HSPA6: variants seen among roughly 807,000 people sequenced by gnomAD.
The protein encoded by HSPA6 is heat shock 70 kDa protein 6.
For synonymous variants in HSPA6, 312 were observed against 368.2 expected (o/e 0.85, Z 1.75); for missense variants, 718 against 860.9 (o/e 0.83, Z 2.08).
At position 161,525,746 on chromosome 1, in the gene HSPA6, A is replaced by T; in HGVS notation, c.1088A>T (p.Lys363Met). Reference sequence around the variant, plus strand: ...TTCTTCAACGGCAAGGAGCTGAACAAGAGCATCAACCCTGATGAGGCTGTG... The same window carrying T: ...TTCTTCAACGGCAAGGAGCTGAACATGAGCATCAACCCTGATGAGGCTGTG... The part of the protein sequence containing the change: ...QDFFNGKELN[K>M]SINPDEAVAY... Residue 363 changes from lysine (K) to methionine (M), a missense_variant, in exon 1 of 1, where the codon AAG becomes ATG. Lys to Met is a moderately conservative substitution (Grantham distance 95, BLOSUM62 -1). Transcript: ENST00000309758. The T allele has an allele frequency of 6.2e-7, 1 of 1,608,862 alleles. No homozygotes were observed. The highest frequency in any genetic ancestry group is 8.5e-7 in the Non-Finnish European group (1 of 1,177,354).
At position 161,526,018 on chromosome 1, in the gene HSPA6, G is replaced by T. The variant is rs1571998900; in HGVS notation, c.1360G>T (p.Asp454Tyr). Residue 454 changes from aspartate to tyrosine, a missense_variant, in exon 1 of 1, where the codon GAC becomes TAC. Physicochemically the swap from Asp to Tyr is radical, Grantham distance 160. Coordinates refer to ENST00000309758, the MANE Select transcript of HSPA6 (RefSeq NM_002155.5). ...TGAGGGTGAGAGGGCCATGACCAAG[G>T]ACAACAACCTGCTGGGGCGTTTTGA... ...VYEGERAMTK[D>Y]NNLLGRFELS... The T allele has an allele frequency of 1.2e-6, 2 of 1,613,788 alleles. No individual in the cohort carries two copies. Among genetic ancestry groups the T allele is most frequent in the Non-Finnish European group, 8.5e-7 (1 of 1,179,872 alleles).
Position 161,526,036 on chromosome 1 carries a change from C to A in HSPA6, c.1378C>A (p.Arg460Ser). The A allele has an allele frequency of 6.2e-7, 1 of 1,613,622 alleles. No homozygotes were observed. Among genetic ancestry groups the A allele is most frequent in the Non-Finnish European group, 8.5e-7 (1 of 1,179,766 alleles). Residue 460 changes from arginine (R) to serine (S), a missense_variant, in exon 1 of 1, where the codon CGT becomes AGT. By Grantham distance (110) the Arg-to-Ser change is moderately radical (BLOSUM62 -1). Coordinates refer to ENST00000309758, the MANE Select transcript of HSPA6 (RefSeq NM_002155.5). ...GACCAAGGACAACAACCTGCTGGGG[C>A]GTTTTGAACTCAGTGGCATCCCTCC... ...AMTKDNNLLG[R>S]FELSGIPPAP...
chr1:161,525,065 AC>A lies in HSPA6; in HGVS notation c.409del (p.Leu137TrpfsTer5). On this transcript the variant is annotated frameshift_variant, in exon 1 of 1. Transcript: ENST00000309758. LOFTEE classifies it low-confidence loss of function (END_TRUNC). ...LSKMKETAEA[Y>X]LGQPVKHAVI... The stretch of plus-strand genomic sequence containing the variant: ...AAGATGAAGGAGACGGCCGAGGCGT[AC>A]CTGGGCCAGCCCGTGAAGCACGCAG... 8 of 1,613,180 alleles carry A rather than the reference AC, an allele frequency of 5.0e-6. No individual in the cohort carries two copies. The highest frequency in any genetic ancestry group is 5.9e-6 in the Non-Finnish European group (7 of 1,179,876).
rs1018902637 is a variant in HSPA6 at position 161,526,818 on chromosome 1, G to C, written c.*228G>C. On this transcript the variant is annotated 3_prime_UTR_variant, in exon 1 of 1. Coordinates refer to ENST00000309758, the MANE Select transcript of HSPA6 (RefSeq NM_002155.5). ...AAAACTTGTGTGGCACTTTAACATT[G>C]CTTTCACCTATATTTTGTGTACTTT... 4.4e-6 allele frequency: 2 copies of C among 449,936 alleles called. No homozygotes were observed. Among genetic ancestry groups the C allele is most frequent in the African/African-American group, 2.0e-5 (1 of 49,874 alleles). The allele number at this position is 449,936 out of a possible 1,614,324, so 27.9% of individuals were successfully genotyped here. A position where few individuals can be genotyped will look rare whatever the true frequency, so the allele number is the denominator to read the frequency against.
chr1:161,525,510 G>C lies in HSPA6; in HGVS notation c.852G>C (p.Leu284=). 6.2e-7 allele frequency: 1 copy of C among 1,613,588 alleles called. No individual in the cohort carries two copies. Among genetic ancestry groups the C allele is most frequent in the South Asian group, 1.1e-5 (1 of 91,030 alleles). Residue 284 remains leucine (L), a synonymous_variant, in exon 1 of 1, where the codon CTG becomes CTC. Transcript: ENST00000309758. The part of the protein sequence containing the change: ...RTLSSSTQAT[L]EIDSLFEGVD... ...TGTCCTCCAGCACCCAGGCCACCCT[G>C]GAGATAGACTCCCTGTTCGAGGGCG... is the stretch of plus-strand genomic sequence containing the variant.
Position 161,526,236 on chromosome 1 carries a change from G to C in HSPA6, c.1578G>C (p.Gln526His), listed in dbSNP as rs1676696181. 1 of 1,613,818 alleles carries C rather than the reference G, an allele frequency of 6.2e-7. No individual in the cohort carries two copies. Residue 526 changes from glutamine (Q) to histidine (H), a missense_variant, in exon 1 of 1, where the codon CAG becomes CAC. Gln to His is a conservative substitution (Grantham distance 24). Coordinates refer to ENST00000309758, the MANE Select transcript of HSPA6 (RefSeq NM_002155.5). ...AGAGGATGGTTCATGAAGCCGAGCA[G>C]TACAAGGCTGAGGATGAGGCCCAGA... ...EVERMVHEAE[Q>H]YKAEDEAQRD...
At position 161,526,782 on chromosome 1, in the gene HSPA6, A is replaced by G; in HGVS notation, c.*192A>G. The stretch of plus-strand genomic sequence containing the variant: ...CCTCTTCTGCTTCAAATAAAAAGTC[A>G]TTAATTTATTAAAACTTGTGTGGCA... On this transcript the variant is annotated 3_prime_UTR_variant, in exon 1 of 1. Coordinates refer to ENST00000309758, the MANE Select transcript of HSPA6 (RefSeq NM_002155.5). The G allele has an allele frequency of 2.1e-6, 1 of 485,464 alleles. No individual in the cohort carries two copies. The highest frequency in any genetic ancestry group is 3.7e-6 in the Non-Finnish European group (1 of 270,478). 30.1% of individuals were successfully genotyped at this position (485,464 alleles called of 1,614,324 possible). A position where few individuals can be genotyped will look rare whatever the true frequency, so the allele number is the denominator to read the frequency against.
rs773122424 is a variant in HSPA6, at chr1:161,525,114, C to G, written c.456C>G (p.Phe152Leu). Reference sequence around the variant, plus strand: ...CAGTGATCACCGTGCCCGCCTATTTCAATGACTCGCAGCGCCAGGCCACCA... The same window carrying G: ...CAGTGATCACCGTGCCCGCCTATTTGAATGACTCGCAGCGCCAGGCCACCA... ...KHAVITVPAY[F>L]NDSQRQATKD... is the part of the protein sequence containing the mutation. The change falls in exon 1 of 1, where the codon TTC becomes TTG. Residue 152 changes from phenylalanine to leucine, a missense_variant. Transcript: ENST00000309758. 2 of 1,613,568 alleles carry G rather than the reference C, an allele frequency of 1.2e-6. No homozygotes were observed. The highest frequency in any genetic ancestry group is 1.7e-6 in the Non-Finnish European group (2 of 1,179,938).
Position 161,525,939 on chromosome 1 carries a change from C to T in HSPA6, c.1281C>T (p.Thr427=). ...ACGCCACTATCCCCACCAAGCAGAC[C>T]CAGACTTTCACCACCTACTCGGACA... ...QRNATIPTKQ[T]QTFTTYSDNQ... is the part of the protein sequence containing the mutation. Residue 427 remains threonine, a synonymous_variant, in exon 1 of 1, where the codon ACC becomes ACT. Transcript: ENST00000309758. The T allele has an allele frequency of 6.2e-7, 1 of 1,612,548 alleles. No individual in the cohort carries two copies. Among genetic ancestry groups the T allele is most frequent in the African/African-American group, 1.3e-5 (1 of 74,864 alleles).
At position 161,525,785 on chromosome 1, in the gene HSPA6, C is replaced by T. The variant is rs764355185; in HGVS notation, c.1127C>T (p.Ala376Val). 3.7e-5 allele frequency: 60 copies of T among 1,604,074 alleles called. No homozygotes were observed. The highest frequency in any genetic ancestry group is 4.9e-5 in the Non-Finnish European group (57 of 1,174,438). ...GATGAGGCTGTGGCCTATGGGGCTG[C>T]TGTGCAGGCGGCCGTGTTGATGGGG... The part of the protein sequence containing the change: ...NPDEAVAYGA[A>V]VQAAVLMGDK... The change falls in exon 1 of 1, where the codon GCT becomes GTT. Residue 376 changes from alanine to valine, a missense_variant. Ala to Val is a moderately conservative substitution (Grantham distance 64). Transcript: ENST00000309758.
Position 161,526,288 on chromosome 1 carries a change from C to T in HSPA6, c.1630C>T (p.Leu544=). The change falls in exon 1 of 1, where the codon CTG becomes TTG. Residue 544 remains leucine (L), a synonymous_variant. Coordinates refer to ENST00000309758, the MANE Select transcript of HSPA6 (RefSeq NM_002155.5). The part of the protein sequence containing the change: ...QRDRVAAKNS[L]EAHVFHVKGS... ...GGACAGAGTGGCTGCCAAAAACTCGCTGGAGGCCCATGTCTTCCATGTGAA... is the reference window on the plus strand; with the variant it reads ...GGACAGAGTGGCTGCCAAAAACTCGTTGGAGGCCCATGTCTTCCATGTGAA... 1 of 1,611,902 alleles carries T rather than the reference C, an allele frequency of 6.2e-7. No homozygotes were observed. The highest frequency in any genetic ancestry group is 1.3e-5 in the African/African-American group (1 of 74,920).
Position 161,525,432 on chromosome 1 carries a change from C to A in HSPA6, c.774C>A (p.Asn258Lys), listed in dbSNP as rs1157873635. Residue 258 changes from asparagine (N) to lysine (K), a missense_variant, in exon 1 of 1, where the codon AAC becomes AAA. Transcript: ENST00000309758. Reference protein sequence around the residue: ...RRKHGKDLSGNKRALRRLRTA... With the variant: ...RRKHGKDLSGKKRALRRLRTA... ...AGCATGGGAAGGACCTGAGCGGGAA[C>A]AAGCGTGCCCTGCGCAGGCTGCGCA... 1.9e-6 allele frequency: 3 copies of A among 1,611,170 alleles called. No homozygotes were observed. Among genetic ancestry groups the A allele is most frequent in the Non-Finnish European group, 2.5e-6 (3 of 1,178,638 alleles).
At position 161,526,344 on chromosome 1, in the gene HSPA6, C is replaced by A. The variant is rs753856; in HGVS notation, c.1686C>A (p.Asp562Glu). 7 of 1,602,552 alleles carry A rather than the reference C, an allele frequency of 4.4e-6. No homozygotes were observed. The African/African-American group carries it at 9.4e-5, about 21-fold the overall frequency. ...KGSLQEESLR[D>E]KIPEEDRRKM... ...CTTTGCAAGAGGAAAGCCTTAGGGA[C>A]AAGATTCCCGAAGAGGACAGGCGCA... Residue 562 changes from aspartate (D) to glutamate (E), a missense_variant, in exon 1 of 1, where the codon GAC becomes GAA. Transcript: ENST00000309758.
Position 161,524,550 on chromosome 1 carries a change from C to G in HSPA6, c.-109C>G, listed in dbSNP as rs1416843816. ...GAAGCGGAGCTGAGCAGATCCGAGCCGGGCTGGCTGCAGAGAAACCGCAGG... is the reference window on the plus strand; with the variant it reads ...GAAGCGGAGCTGAGCAGATCCGAGCGGGGCTGGCTGCAGAGAAACCGCAGG... On this transcript the variant is annotated 5_prime_UTR_variant, in exon 1 of 1. Transcript: ENST00000309758. 2.6e-5 allele frequency: 36 copies of G among 1,406,676 alleles called. No homozygotes were observed. Among genetic ancestry groups the G allele is most frequent in the South Asian group, 7.6e-5 (6 of 79,394 alleles). 87.1% of individuals were successfully genotyped at this position (1,406,676 alleles called of 1,614,324 possible). A position where few individuals can be genotyped will look rare whatever the true frequency, so the allele number is the denominator to read the frequency against.
Position 161,525,400 on chromosome 1 carries a change from C to T in HSPA6, c.742C>T (p.Arg248Trp). 1 of 1,610,412 alleles carries T rather than the reference C, an allele frequency of 6.2e-7. No homozygotes were observed. The highest frequency in any genetic ancestry group is 8.5e-7 in the Non-Finnish European group (1 of 1,178,202). Residue 248 changes from arginine (R) to tryptophan (W), a missense_variant, in exon 1 of 1, where the codon CGG becomes TGG. Arg to Trp is a moderately radical substitution (Grantham distance 101, BLOSUM62 -3). Coordinates refer to ENST00000309758, the MANE Select transcript of HSPA6 (RefSeq NM_002155.5). ...CGTGAACCACTTCATGGAAGAATTC[C>T]GGCGGAAGCATGGGAAGGACCTGAG... ...RLVNHFMEEF[R>W]RKHGKDLSGN...
chr1:161,524,931 C>A lies in HSPA6; in HGVS notation c.273C>A (p.His91Gln). 2.5e-6 allele frequency: 4 copies of A among 1,613,668 alleles called. No individual in the cohort carries two copies. Among genetic ancestry groups the A allele is most frequent in the Non-Finnish European group, 3.4e-6 (4 of 1,179,938 alleles). The change falls in exon 1 of 1, where the codon CAC becomes CAA. Residue 91 changes from histidine (H) to glutamine (Q), a missense_variant. By Grantham distance (24) the His-to-Gln change is conservative. Coordinates refer to ENST00000309758, the MANE Select transcript of HSPA6 (RefSeq NM_002155.5). The part of the protein sequence containing the change: ...ADTTVQSDMK[H>Q]WPFRVVSEGG... ...CCACGGTGCAGTCGGACATGAAGCA[C>A]TGGCCCTTCCGGGTGGTGAGCGAGG...
chr1:161,524,864 T>A lies in HSPA6; in HGVS notation c.206T>A (p.Val69Glu), dbSNP rs1676624337. The A allele has an allele frequency of 1.9e-6, 3 of 1,612,032 alleles. No homozygotes were observed. Among genetic ancestry groups the A allele is most frequent in the Non-Finnish European group, 2.5e-6 (3 of 1,179,446 alleles). ...SQAALNPHNTVFDAKRLIGRK... is the reference protein window; with the variant it reads ...SQAALNPHNTEFDAKRLIGRK... ...GCGGCCCTGAACCCCCACAACACCG[T>A]GTTCGATGCCAAGCGGCTGATCGGG... is the stretch of plus-strand genomic sequence containing the variant. The change falls in exon 1 of 1, where the codon GTG (valine) becomes GAG (glutamate). Residue 69 changes from valine to glutamate, a missense_variant. Physicochemically the swap from Val to Glu is moderately radical, Grantham distance 121. Transcript: ENST00000309758.
chr1:161,525,328 A>G lies in HSPA6; in HGVS notation c.670A>G (p.Thr224Ala). ...IDAGVFEVKA[T>A]AGDTHLGGED... ...CGCTGGTGTCTTTGAGGTGAAAGCCACTGCTGGAGATACCCACCTGGGAGG... is the reference window on the plus strand; with the variant it reads ...CGCTGGTGTCTTTGAGGTGAAAGCCGCTGCTGGAGATACCCACCTGGGAGG... The change falls in exon 1 of 1, where the codon ACT becomes GCT. Residue 224 changes from threonine to alanine, a missense_variant. Thr to Ala is a moderately conservative substitution (Grantham distance 58). Coordinates refer to ENST00000309758, the MANE Select transcript of HSPA6 (RefSeq NM_002155.5). 1.2e-6 allele frequency: 2 copies of G among 1,613,984 alleles called. No homozygotes were observed. Among genetic ancestry groups the G allele is most frequent in the Non-Finnish European group, 1.7e-6 (2 of 1,179,944 alleles).
Position 161,525,491 on chromosome 1 carries a change from C to T in HSPA6, c.833C>T (p.Ser278Phe), listed in dbSNP as rs746371594. 5.0e-6 allele frequency: 8 copies of T among 1,613,540 alleles called. No homozygotes were observed. The highest frequency in any genetic ancestry group is 5.9e-6 in the Non-Finnish European group (7 of 1,179,728). ...GAGCGCGCCAAGCGCACCCTGTCCT[C>T]CAGCACCCAGGCCACCCTGGAGATA... The part of the protein sequence containing the change: ...ACERAKRTLS[S>F]STQATLEIDS... The change falls in exon 1 of 1, where the codon TCC becomes TTC. Residue 278 changes from serine to phenylalanine, a missense_variant. Coordinates refer to ENST00000309758, the MANE Select transcript of HSPA6 (RefSeq NM_002155.5).
Sources: gnomAD v4.1 joint callset for allele counts on GRCh38, gnomAD v4.1.1 for gene constraint, MANE v1.5 for transcripts, NCBI Gene and HGNC (gene_info 2026-07-23, HGNC 2026-07-21) for gene names.